The following GNA12 variants were observed in gnomAD, a reference collection of about 807,000 sequenced individuals.
The protein encoded by GNA12 is guanine nucleotide-binding protein subunit alpha-12.
GNA12 carries 9 observed loss-of-function variants against 26.0 expected under a neutral mutation model. That is an observed-to-expected ratio of 0.35 (90% CI 0.21 to 0.60). The LOEUF is 0.60. Ranked by LOEUF, GNA12 falls within the 20% of genes least tolerant of loss-of-function variation. The pLI, the probability that GNA12 is intolerant of heterozygous loss-of-function variation, is 0.78. For missense variants in GNA12, 405 were observed against 525.8 expected (o/e 0.77, Z 2.25); for synonymous variants, 264 against 219.6 (o/e 1.20, Z -1.79).
chr7:2,844,006 G>C lies in GNA12; in HGVS notation c.156C>G (p.Arg52=). The change falls in exon 1 of 4, where the codon CGC becomes CGG. Residue 52 remains arginine (R), a synonymous_variant. Coordinates refer to ENST00000275364, the MANE Select transcript of GNA12 (RefSeq NM_007353.3). ...DIDALLARER[R]AVRRLVKILL... ...GGATCTTCACCAGGCGCCGGACCGC[G>C]CGCCGCTCGCGGGCCAGCAGCGCGT... 3 of 1,530,432 alleles carry C rather than the reference G, an allele frequency of 2.0e-6. No individual in the cohort carries two copies. Among genetic ancestry groups the C allele is most frequent in the South Asian group, 2.4e-5 (2 of 82,632 alleles). 94.8% of individuals were successfully genotyped at this position (1,530,432 alleles called of 1,614,324 possible).
chr7:2,781,936 T>C (rs1429041272), intron 2 of GNA12, among the ~76,000 whole-genome samples: 1 of 152,210 alleles, frequency 6.6e-6, no homozygotes, highest in African/African-American at 2.4e-5. Flanking sequence ...GTAATCAAAG[T>C]GATGTGTTCC....
chr7:2,836,780 T>C (rs187624818), intron 1 of GNA12, among the ~76,000 whole-genome samples: 19 of 152,072 alleles, frequency 1.2e-4, no homozygotes, highest in Admixed American at 8.5e-4. Context: ...AAAAATTAGC[T>C]GGGCATGGTG....
At position 2,781,412 on chromosome 7, in the gene GNA12, C is replaced by G. The variant is rs940645851; in HGVS notation, c.525+13516G>C. Among the ~76,000 whole-genome samples the G allele has an allele frequency of 3.8e-4, 54 of 143,712 alleles. No individual in the cohort carries two copies. In the East Asian group the frequency reaches 4.0e-3, roughly 11 times the overall value. The allele number at this position is 143,712 out of a possible 152,430, so 94.3% of individuals were successfully genotyped here. Reference sequence around the variant, plus strand: ...CTCTAATCCATTTCAAAGTAAGTGTCTGTGTGTGTGTGTGTGTGTGTGTGT... The same window carrying G: ...CTCTAATCCATTTCAAAGTAAGTGTGTGTGTGTGTGTGTGTGTGTGTGTGT... On this transcript the variant is annotated intron_variant, in intron 2 of 3. Transcript: ENST00000275364.
In GNA12 at chr7:2,794,944, C is replaced by T; in HGVS notation, c.509G>A (p.Arg170Lys). Reference sequence around the variant, plus strand: ...CTCACTCACCAGCTGAAACTCGCTTCTCCGGCTGAAAGCCTCCCTGATGCC... The same window carrying T: ...CTCACTCACCAGCTGAAACTCGCTTTTCCGGCTGAAAGCCTCCCTGATGCC... The part of the protein sequence containing the change: ...DSGIREAFSR[R>K]SEFQLGESVK... The change falls in exon 2 of 4, where the codon AGA becomes AAA. Residue 170 changes from arginine to lysine, a missense_variant. Transcript: ENST00000275364. 1 of 1,613,962 alleles carries T rather than the reference C, an allele frequency of 6.2e-7. No individual in the cohort carries two copies. Among genetic ancestry groups the T allele is most frequent in the Non-Finnish European group, 8.5e-7 (1 of 1,179,788 alleles).
intron 1 of GNA12, among the ~76,000 whole-genome samples, chr7:2,829,363 TGAA>T (rs1265734018): frequency 2.0e-5 from 3 of 152,130 alleles, no homozygotes; most frequent in Admixed American, 6.5e-5. Flanking sequence ...TGCAAATGCC[TGAA>T]GGAGTCCAGT....
chr7:2,839,859 C>G (rs774525667), intron 1 of GNA12, among the ~76,000 whole-genome samples: 17 of 152,050 alleles, frequency 1.1e-4, no homozygotes, highest in South Asian at 2.1e-4. Context: ...ATTAGCTGGA[C>G]GTGGTGGTGG....
At chr7:2,767,322 T>C (rs527909884) in intron 2 of GNA12, among the ~76,000 whole-genome samples, 1 of 152,346 alleles carries the variant, frequency 6.6e-6, no homozygotes, top group South Asian at 2.1e-4. Context: ...AAATCCAGTA[T>C]CTTGAAGCTT....
intron 1 of GNA12, among the ~76,000 whole-genome samples, chr7:2,830,507 C>T (rs1793579399): frequency 6.6e-6 from 1 of 152,164 alleles, no homozygotes. Flanking sequence ...GGGCGGCTCC[C>T]AAAGAGAGAA....
intron 1 of GNA12, among the ~76,000 whole-genome samples, chr7:2,803,450 TAAGTGCTCTCACCCC>T (rs1453388974): frequency 6.6e-6 from 1 of 152,100 alleles, no homozygotes; most frequent in Non-Finnish European, 1.5e-5. Flanking sequence ...AGGAGCCCCC[TAAGTGCTCTCACCCC>T]AAGTGCTCTC....
chr7:2,819,796 T>C (rs1486810547), intron 1 of GNA12, among the ~76,000 whole-genome samples: 1 of 152,234 alleles, frequency 6.6e-6, no homozygotes, highest in East Asian at 1.9e-4. Context: ...AACAGAAATG[T>C]TGCGGCCAAT....
At chr7:2,777,000 G>A (rs1792094383) in intron 2 of GNA12, among the ~76,000 whole-genome samples, 2 of 152,130 alleles carry the variant, frequency 1.3e-5, no homozygotes, top group South Asian at 2.1e-4. Context: ...TGATGGGGGT[G>A]GGTTGTGCCT....
chr7:2,799,729 CAT>C (rs1457432197), intron 1 of GNA12, among the ~76,000 whole-genome samples: 1 of 152,006 alleles, frequency 6.6e-6, no homozygotes, highest in Non-Finnish European at 1.5e-5. Flanking sequence ...CACTGGAGAA[CAT>C]ATATAGGCAG....
At chr7:2,779,405 G>A (rs1792162365) in intron 2 of GNA12, among the ~76,000 whole-genome samples, 1 of 151,940 alleles carries the variant, frequency 6.6e-6, no homozygotes. Context: ...AGTTACTCGA[G>A]AGACTGAAGT....
chr7:2,766,425 C>T (rs1372800995), intron 2 of GNA12, among the ~76,000 whole-genome samples: 2 of 144,108 alleles, frequency 1.4e-5, no homozygotes, highest in Non-Finnish European at 3.0e-5. Context: ...CTTGCTCTGT[C>T]GCCAGGCTGG....
intron 2 of GNA12, among the ~76,000 whole-genome samples, chr7:2,788,820 C>T (rs867140239): frequency 1.3e-5 from 2 of 152,186 alleles, no homozygotes; most frequent in Non-Finnish European, 2.9e-5. Flanking sequence ...TCTTACCTCC[C>T]CTTTTTTTTT....
chr7:2,756,968 G>A (rs1174383215), intron 2 of GNA12, among the ~76,000 whole-genome samples: 1 of 152,124 alleles, frequency 6.6e-6, no homozygotes, highest in Non-Finnish European at 1.5e-5. Context: ...CAGCTACTCA[G>A]GAGGCTGAAG....
At chr7:2,757,620 T>G (rs11772125) in intron 2 of GNA12, among the ~76,000 whole-genome samples, 7,156 of 152,308 alleles carry the variant, frequency 0.047, 217 homozygotes, top group Middle Eastern at 0.082. Flanking sequence ...CCCAGGCTGC[T>G]GACCCAAGCA....
intron 2 of GNA12, among the ~76,000 whole-genome samples, chr7:2,773,044 C>T (rs1791988009): frequency 6.6e-6 from 1 of 152,200 alleles, no homozygotes; most frequent in African/African-American, 2.4e-5. Context: ...TTTAAACAAA[C>T]TTCAAAAACA....
intron 2 of GNA12, among the ~76,000 whole-genome samples, chr7:2,788,631 G>A (rs1191621193): frequency 6.6e-6 from 1 of 152,190 alleles, no homozygotes; most frequent in Non-Finnish European, 1.5e-5. Flanking sequence ...CATGTTTGGA[G>A]GAAAGTTAGA....
Sources: gnomAD v4.1 joint callset for allele counts (sites outside exome capture counted in the v4.1 genomes callset) on GRCh38, gnomAD v4.1.1 for gene constraint, MANE v1.5 for transcripts, NCBI Gene and HGNC (gene_info 2026-07-23, HGNC 2026-07-21) for gene names.